ISM2: variants seen among roughly 807,000 people sequenced by gnomAD.
ISM2 encodes isthmin-2.
Under a neutral mutation model 58.0 loss-of-function variants are expected in ISM2, and 50 were observed. That is an observed-to-expected ratio of 0.86 (90% CI 0.69 to 1.09). ISM2 has a LOEUF of 1.09. Among genes scored for constraint, ISM2 ranks in the 50% least tolerant of loss-of-function variants. ISM2 has a pLI of 0.00. For synonymous variants in ISM2, 303 were observed against 312.4 expected (o/e 0.97, Z 0.32); for missense variants, 723 against 745.0 (o/e 0.97, Z 0.34).
intron 4 of ISM2, among the ~76,000 whole-genome samples, chr14:77,481,561 A>G (rs1052667661): frequency 6.6e-6 from 1 of 152,138 alleles, no homozygotes; most frequent in Non-Finnish European, 1.5e-5. Flanking sequence ...CCCATTCTAT[A>G]GAGGAAGGAA....
In ISM2 at chr14:77,478,596, A is replaced by T; in HGVS notation, c.1093T>A (p.Cys365Ser). The part of the protein sequence containing the change: ...YGCTATETRT[C>S]DLPSCPGTED... ...TCACCAGGACAGGAGGGCAGGTCAC[A>T]GGTACGGGTCTCGGTGGCAGTGCAG... The change falls in exon 5 of 7, where the codon TGT becomes AGT. Residue 365 changes from cysteine to serine, a missense_variant. Transcript: ENST00000342219. 1.2e-6 allele frequency: 2 copies of T among 1,612,764 alleles called. No individual in the cohort carries two copies. Among genetic ancestry groups the T allele is most frequent in the Non-Finnish European group, 1.7e-6 (2 of 1,179,296 alleles).
At chr14:77,489,285 C>T in intron 1 of ISM2, among the ~76,000 whole-genome samples, 1 of 152,190 alleles carries the variant, frequency 6.6e-6, no homozygotes, top group Non-Finnish European at 1.5e-5. Flanking sequence ...GCCCTAGCTC[C>T]TGAAGCCCAG....
intron 1 of ISM2, among the ~76,000 whole-genome samples, chr14:77,492,032 A>G (rs12590279): frequency 0.26 from 38,160 of 148,264 alleles, 5,796 homozygotes; most frequent in East Asian, 0.55. Flanking sequence ...ACAGAGTCTC[A>G]CTCTGTAGTC....
In ISM2 at chr14:77,476,193, T is replaced by C. The variant is rs892423299; in HGVS notation, c.1199-81A>G. 3 of 1,438,048 alleles carry C rather than the reference T, an allele frequency of 2.1e-6. No individual in the cohort carries two copies. In the African/African-American group the frequency reaches 4.3e-5, roughly 20 times the overall value. 89.1% of individuals were successfully genotyped at this position (1,438,048 alleles called of 1,614,324 possible). A position where few individuals can be genotyped will look rare whatever the true frequency, so the allele number is the denominator to read the frequency against. On this transcript the variant is annotated intron_variant, in intron 6 of 6. Coordinates refer to ENST00000342219, the MANE Select transcript of ISM2 (RefSeq NM_199296.3). ...GGGGCGGGGACTGATTAAGGGCCAG[T>C]GCATGGGGAGAGAAGGCCCAGGCCC...
At chr14:77,488,156 T>C (rs1314107425) in intron 1 of ISM2, among the ~76,000 whole-genome samples, 1 of 152,200 alleles carries the variant, frequency 6.6e-6, no homozygotes, top group African/African-American at 2.4e-5. Flanking sequence ...GTCTGCTTTG[T>C]TCACTGTGGG....
chr14:77,479,679 T>C (rs1344172310), intron 4 of ISM2, among the ~76,000 whole-genome samples: 1 of 151,854 alleles, frequency 6.6e-6, no homozygotes, highest in Admixed American at 6.6e-5. Context: ...ACTGCATGGC[T>C]AATTTTTGTA....
chr14:77,484,909 G>A lies in ISM2; in HGVS notation c.152C>T (p.Ser51Phe), dbSNP rs755026075. ...SLTRLAEVSASPDPRPLKEEE... is the reference protein window; with the variant it reads ...SLTRLAEVSAFPDPRPLKEEE... The stretch of plus-strand genomic sequence containing the variant: ...TTCCTTCAGAGGCCTAGGATCTGGG[G>A]AGGCTGAGACCTGAGGGAGAGAGAA... Residue 51 changes from serine to phenylalanine, a missense_variant, in exon 2 of 7, where the codon TCC becomes TTC. By Grantham distance (155) the Ser-to-Phe change is radical. Coordinates refer to ENST00000342219, the MANE Select transcript of ISM2 (RefSeq NM_199296.3). 8.3e-6 allele frequency: 13 copies of A among 1,557,374 alleles called. No individual in the cohort carries two copies. Among genetic ancestry groups the A allele is most frequent in the Non-Finnish European group, 1.0e-5 (12 of 1,152,716 alleles).
intron 1 of ISM2, among the ~76,000 whole-genome samples, chr14:77,486,860 G>A (rs2079171080): frequency 6.6e-6 from 1 of 150,912 alleles, no homozygotes; most frequent in African/African-American, 2.4e-5. Context: ...GTAGGCACAG[G>A]CCAGGAATGC....
rs116828050 is a variant in ISM2, at chr14:77,475,882, G to A, written c.1429C>T (p.Arg477Cys). 1.2e-3 allele frequency: 1,884 copies of A among 1,605,684 alleles called. 16 individuals carry two copies. In the African/African-American group the frequency reaches 0.022, roughly 19 times the overall value. ...CTGCTCTCCCCAGACAGCATGGAAC[G>A]CAGGCAGAAGCGCGCCGTGGGCTGG... ...IYQPTARFCL[R>C]SMLSGESSTL... The change falls in exon 7 of 7, where the codon CGT (arginine) becomes TGT (cysteine). Residue 477 changes from arginine (R) to cysteine (C), a missense_variant. By Grantham distance (180) the Arg-to-Cys change is radical. Coordinates refer to ENST00000342219, the MANE Select transcript of ISM2 (RefSeq NM_199296.3). This position sits in a 1 kb window ranked among gnomAD's most constrained non-coding sequence, Gnocchi z 4.1.
At chr14:77,487,939 C>T (rs1330563789) in intron 1 of ISM2, among the ~76,000 whole-genome samples, 1 of 152,160 alleles carries the variant, frequency 6.6e-6, no homozygotes, top group East Asian at 1.9e-4. Context: ...GGCTCTGGGG[C>T]TAGAAGGGAG....
At position 77,475,750 on chromosome 14, in the gene ISM2, G is replaced by T. The variant is rs1325949842; in HGVS notation, c.1561C>A (p.Leu521Met). The change falls in exon 7 of 7, where the codon CTG becomes ATG. Residue 521 changes from leucine (L) to methionine (M), a missense_variant. Coordinates refer to ENST00000342219, the MANE Select transcript of ISM2 (RefSeq NM_199296.3). The surrounding 1 kb of genome is among the most constrained non-coding windows in gnomAD (Gnocchi z 4.1). Reference sequence around the variant, plus strand: ...GGCGTCGTGTCGAACTTGAAGTGCAGCTTAGGTGAGAAGTCGGTGCTGATG... The same window carrying T: ...GGCGTCGTGTCGAACTTGAAGTGCATCTTAGGTGAGAAGTCGGTGCTGATG... Reference protein sequence around the residue: ...NLISTDFSPKLHFKFDTTPWI... With the variant: ...NLISTDFSPKMHFKFDTTPWI... 1.2e-6 allele frequency: 2 copies of T among 1,613,712 alleles called. No homozygotes were observed. The highest frequency in any genetic ancestry group is 2.7e-5 in the African/African-American group (2 of 74,850).
intron 1 of ISM2, among the ~76,000 whole-genome samples, chr14:77,493,177 GT>G (rs1344919164): frequency 4.6e-5 from 7 of 152,138 alleles, no homozygotes; most frequent in Non-Finnish European, 1.0e-4. Flanking sequence ...TGTATTTTTA[GT>G]AGAGACAGGG....
At chr14:77,487,198 T>A (rs921541243) in intron 1 of ISM2, among the ~76,000 whole-genome samples, 1 of 151,426 alleles carries the variant, frequency 6.6e-6, no homozygotes, top group Non-Finnish European at 1.5e-5. Flanking sequence ...TGAGCCAAGA[T>A]CGCATCATTG....
intron 3 of ISM2, 121 bp downstream of exon 3, chr14:77,484,202 G>T: frequency 7.6e-7 from 1 of 1,317,954 alleles, no homozygotes; most frequent in Non-Finnish European, 1.0e-6. Flanking sequence ...CCTGCCCTCT[G>T]ACCCCACACA....
chr14:77,484,355 C>A lies in ISM2; in HGVS notation c.595G>T (p.Ala199Ser), dbSNP rs754380719. The stretch of plus-strand genomic sequence containing the variant: ...TCAGGGTTAGGGGTACTCAAGGTTG[C>A]GTGGACCAATTCTGGCAGCTTCTGC... ...ELQKLPELVH[A>S]TLSTPNPDNQ... The change falls in exon 3 of 7, where the codon GCA becomes TCA. Residue 199 changes from alanine to serine, a missense_variant. Physicochemically the swap from Ala to Ser is moderately conservative, Grantham distance 99. Transcript: ENST00000342219. 1.9e-6 allele frequency: 3 copies of A among 1,605,862 alleles called. No individual in the cohort carries two copies. The highest frequency in any genetic ancestry group is 2.5e-6 in the Non-Finnish European group (3 of 1,176,530).
intron 1 of ISM2, among the ~76,000 whole-genome samples, chr14:77,498,021 G>A (rs2079258479): frequency 6.6e-6 from 1 of 152,158 alleles, no homozygotes; most frequent in African/African-American, 2.4e-5. Flanking sequence ...CTGGACTGTA[G>A]ACCCCTCAGT....
chr14:77,480,363 G>A (rs1301757833), intron 4 of ISM2, among the ~76,000 whole-genome samples: 4 of 151,846 alleles, frequency 2.6e-5, no homozygotes, highest in Non-Finnish European at 5.9e-5. Context: ...CTGATCTGAG[G>A]GAGCTGAAAT....
intron 1 of ISM2, among the ~76,000 whole-genome samples, chr14:77,490,538 A>G (rs777014797): frequency 1.3e-5 from 2 of 152,210 alleles, no homozygotes; most frequent in Non-Finnish European, 2.9e-5. Flanking sequence ...GGAGTCACAC[A>G]GCTAGGGGCT....
chr14:77,497,737 A>AGTAGGGAAGGAGGGAGGGAG (rs1362695727), intron 1 of ISM2, among the ~76,000 whole-genome samples: 1 of 46,280 alleles, frequency 2.2e-5, no homozygotes, highest in Non-Finnish European at 4.7e-5. Context: ...GTAGGAAGGA[A>AGTAGGGAAGGAGGGAGGGAG]GGAGGGAGGG....
Sources: allele counts gnomAD v4.1 joint callset (sites outside exome capture counted in the v4.1 genomes callset), GRCh38; gene constraint gnomAD v4.1.1; non-coding constraint Gnocchi (gnomAD v3.1); transcripts MANE v1.5; gene names NCBI Gene and HGNC (gene_info 2026-07-23, HGNC 2026-07-21).